Variants in TENT5D observed in about 807,000 individuals in gnomAD.
The protein encoded by TENT5D is cancer/testis antigen 112.
For synonymous variants in TENT5D, 103 were observed against 100.6 expected (o/e 1.02, Z -0.15); for missense variants, 191 against 287.0 (o/e 0.67, Z 2.42).
At chrX:80,394,921 G>A (rs960120734) in intron 3 of TENT5D, among the ~76,000 whole-genome samples, 2 of 110,921 alleles carry the variant, frequency 1.8e-5, no homozygotes, top group African/African-American at 6.6e-5. Flanking sequence ...ATACATTATC[G>A]TTAACTATAG....
At chrX:80,359,941 A>G (rs962111626) in intron 3 of TENT5D, among the ~76,000 whole-genome samples, 1 of 111,884 alleles carries the variant, frequency 8.9e-6, no homozygotes, top group Non-Finnish European at 1.9e-5. Flanking sequence ...GTTCACTGGT[A>G]AAACCACTAC....
At chrX:80,427,048 G>A (rs760018829) in intron 1 of TENT5D, among the ~76,000 whole-genome samples, 1 of 111,652 alleles carries the variant, frequency 9.0e-6, no homozygotes, top group African/African-American at 3.3e-5. Context: ...CTCCCACCAT[G>A]ATCCTGAGGC....
rs770121641 is a variant in TENT5D at position 80,343,107 on chromosome X, G to A, written c.-142+543G>A. 9.9e-5 allele frequency among the ~76,000 whole-genome samples: 11 copies of A among 111,460 alleles called. No homozygotes were observed. In the South Asian group the frequency reaches 4.1e-3, roughly 41 times the overall value. On this transcript the variant is annotated intron_variant, in intron 3 of 4. Transcript: ENST00000538312. ...CAGACTGCAGTACAATTAAGATGAA[G>A]ATTTAGTTAATAGTCTCATATTATA... is the stretch of plus-strand genomic sequence containing the variant.
rs1191373421 is a variant in TENT5D, at chrX:80,397,019, CG to C, written c.-141-41581del. ...TCACCTCCCGGACGGGGCGTCTGGC[CG>C]GGGGGGGGGCTGACCCCCACCTCCC... On this transcript the variant is annotated intron_variant, in intron 3 of 4. Transcript: ENST00000538312. 4.3e-3 allele frequency among the ~76,000 whole-genome samples: 324 copies of C among 75,397 alleles called. 4 individuals are homozygous for C. Among genetic ancestry groups the C allele is most frequent in the African/African-American group, 0.014 (257 of 18,848 alleles). 65.5% of individuals were successfully genotyped at this position (75,397 alleles called of 115,157 possible).
At chrX:80,371,694 C>T (rs763914233) in intron 3 of TENT5D, among the ~76,000 whole-genome samples, 1 of 112,187 alleles carries the variant, frequency 8.9e-6, no homozygotes, top group African/African-American at 3.2e-5. Context: ...TCTTCTGTAG[C>T]ATCCTCACTG....
chrX:80,382,368 C>T (rs756639518), intron 3 of TENT5D, among the ~76,000 whole-genome samples: 11 of 111,387 alleles, frequency 9.9e-5, no homozygotes, highest in Non-Finnish European at 1.7e-4. Context: ...GAGGACCACC[C>T]GGTTGTATGA....
intron 3 of TENT5D, among the ~76,000 whole-genome samples, chrX:80,385,014 T>G (rs1930961725): frequency 9.0e-6 from 1 of 111,326 alleles, no homozygotes; most frequent in Non-Finnish European, 1.9e-5. Context: ...ATTTATACAT[T>G]CAATGCCATC....
intron 3 of TENT5D, among the ~76,000 whole-genome samples, chrX:80,385,307 A>G (rs988764620): frequency 2.7e-5 from 3 of 111,490 alleles, no homozygotes; most frequent in African/African-American, 9.8e-5. Flanking sequence ...ACCTGAGAAA[A>G]ACAAGAAATG....
intron 3 of TENT5D, among the ~76,000 whole-genome samples, chrX:80,358,602 G>C (rs1201120721): frequency 3.6e-5 from 4 of 111,773 alleles, no homozygotes; most frequent in Non-Finnish European, 5.7e-5. Flanking sequence ...AATATTCTTT[G>C]GAGAATAGTT....
At chrX:80,382,052 T>G (rs1490877239) in intron 3 of TENT5D, among the ~76,000 whole-genome samples, 1 of 112,310 alleles carries the variant, frequency 8.9e-6, no homozygotes, top group East Asian at 2.8e-4. Context: ...TTTTAGAATT[T>G]TCAGCTTTTC....
chrX:80,403,195 A>G (rs180762922), intron 3 of TENT5D, among the ~76,000 whole-genome samples: 58 of 112,065 alleles, frequency 5.2e-4, no homozygotes, highest in Non-Finnish European at 9.8e-4. Flanking sequence ...ACATGTATCA[A>G]TGATATTAAA....
intron 2 of TENT5D, among the ~76,000 whole-genome samples, chrX:80,339,755 AAAAT>A (rs1276918661): frequency 1.8e-5 from 2 of 110,519 alleles, no homozygotes; most frequent in African/African-American, 3.3e-5. Flanking sequence ...AAAATTAGAA[AAAAT>A]AAATCTACAT....
intron 1 of TENT5D, among the ~76,000 whole-genome samples, chrX:80,437,548 A>G (rs1385059833): frequency 2.7e-5 from 3 of 111,611 alleles, no homozygotes; most frequent in African/African-American, 9.7e-5. Flanking sequence ...CCAAATTGAT[A>G]TTATTTGATA....
intron 3 of TENT5D, among the ~76,000 whole-genome samples, chrX:80,391,729 G>C (rs988331696): frequency 1.8e-5 from 2 of 112,631 alleles, no homozygotes; most frequent in Non-Finnish European, 3.8e-5. Context: ...CTTAAAAGTG[G>C]TGGTAAAAAG....
intron 3 of TENT5D, among the ~76,000 whole-genome samples, chrX:80,385,324 G>A (rs992973377): frequency 9.0e-6 from 1 of 111,348 alleles, no homozygotes; most frequent in Admixed American, 9.6e-5. Flanking sequence ...AATGGGGAAA[G>A]GATTCCCCAT....
At chrX:80,422,906 G>A (rs1931917845) in intron 1 of TENT5D, among the ~76,000 whole-genome samples, 1 of 111,697 alleles carries the variant, frequency 9.0e-6, no homozygotes, top group Non-Finnish European at 1.9e-5. Flanking sequence ...AAGCTTATGA[G>A]GTTACTGGGT....
At chrX:80,404,390 T>C (rs1010460140) in intron 3 of TENT5D, among the ~76,000 whole-genome samples, 1 of 111,855 alleles carries the variant, frequency 8.9e-6, no homozygotes, top group Admixed American at 9.5e-5. Context: ...CCATAAGATA[T>C]AATTTCCATA....
intron 3 of TENT5D, among the ~76,000 whole-genome samples, chrX:80,412,893 T>G (rs974697386): frequency 2.7e-5 from 3 of 112,006 alleles, no homozygotes; most frequent in Admixed American, 1.9e-4. Flanking sequence ...TTTTCCTAAG[T>G]AAGAACATTA....
intron 3 of TENT5D, among the ~76,000 whole-genome samples, chrX:80,392,768 G>A (rs1038124988): frequency 3.8e-5 from 4 of 105,853 alleles, no homozygotes; most frequent in African/African-American, 6.9e-5. Context: ...CACCCGCCTC[G>A]GCCTCCCAAA....
Sources: gnomAD v4.1 joint callset for allele counts (sites outside exome capture counted in the v4.1 genomes callset) on GRCh38, gnomAD v4.1.1 for gene constraint, MANE v1.5 for transcripts, NCBI Gene and HGNC (gene_info 2026-07-23, HGNC 2026-07-21) for gene names.